The following PCDH15 variants were observed in gnomAD, a reference collection of about 807,000 sequenced individuals.
The protein encoded by PCDH15 is protocadherin related 15, also known as protocadherin-15.
Under a neutral mutation model 178.5 loss-of-function variants are expected in PCDH15, and 129 were observed. That is an observed-to-expected ratio of 0.72 (90% CI 0.63 to 0.84). The LOEUF is 0.84. Among genes scored for constraint, PCDH15 ranks in the 40% least tolerant of loss-of-function variants. PCDH15 has a pLI of 0.00. For synonymous variants in PCDH15, 800 were observed against 732.0 expected (o/e 1.09, Z -1.50); for missense variants, 2,230 against 2,099.9 (o/e 1.06, Z -1.21).
intron 1 of PCDH15, among the ~76,000 whole-genome samples, chr10:55,222,730 C>CACACATATATATATATATAT: frequency 8.2e-6 from 1 of 121,266 alleles, no homozygotes; most frequent in African/African-American, 3.4e-5. Context: ...CACACACACA[C>CACACATATATATATATATAT]ATATATATAT....
At chr10:54,694,638 CG>C (rs1270041473) in intron 1 of PCDH15, among the ~76,000 whole-genome samples, 1 of 151,872 alleles carries the variant, frequency 6.6e-6, no homozygotes, top group Non-Finnish European at 1.5e-5. Flanking sequence ...TAGAGATCAG[CG>C]GTCTTTGAGA....
At chr10:55,156,169 G>A (rs180690898) in intron 2 of PCDH15, among the ~76,000 whole-genome samples, 48 of 152,256 alleles carry the variant, frequency 3.2e-4, no homozygotes, top group African/African-American at 1.1e-3. Flanking sequence ...TCCTTCATGT[G>A]AAGCTTGAGG....
chr10:54,183,646 T>G (rs2048220000), intron 12 of PCDH15, 53 bp from the exon 13 acceptor site: 1 of 1,594,626 alleles, frequency 6.3e-7, no homozygotes, highest in Admixed American at 1.7e-5. Flanking sequence ...ATATAAGTAG[T>G]ACAGAGTTTG....
chr10:55,176,247 T>G (rs543294595), intron 1 of PCDH15, among the ~76,000 whole-genome samples: 19 of 152,150 alleles, frequency 1.2e-4, no homozygotes, highest in African/African-American at 4.6e-4. Context: ...TCCCAACCCA[T>G]TAGTTGTAGT....
intron 1 of PCDH15, among the ~76,000 whole-genome samples, chr10:54,789,962 T>A (rs1012536018): frequency 1.3e-5 from 2 of 151,912 alleles, no homozygotes; most frequent in African/African-American, 4.8e-5. Context: ...TCAAATTGAC[T>A]GGAGAAAATA....
intron 2 of PCDH15, among the ~76,000 whole-genome samples, chr10:55,366,369 T>G (rs937690491): frequency 2.0e-5 from 3 of 152,138 alleles, no homozygotes; most frequent in Non-Finnish European, 4.4e-5. Context: ...TTGTAGAAAA[T>G]TATAAATATT....
chr10:55,256,485 G>A (rs1385538618), intron 1 of PCDH15, among the ~76,000 whole-genome samples: 2 of 152,206 alleles, frequency 1.3e-5, no homozygotes, highest in Admixed American at 1.3e-4. Context: ...TCAAAGAAAG[G>A]GGTGACAGAC....
chr10:54,025,683 G>A (rs2093062708), intron 18 of PCDH15, among the ~76,000 whole-genome samples: 1 of 152,016 alleles, frequency 6.6e-6, no homozygotes, highest in Non-Finnish European at 1.5e-5. Context: ...ATTTTTAGTA[G>A]AGACCGGGTT....
At chr10:54,291,366 A>C (rs1254419028) in intron 8 of PCDH15, among the ~76,000 whole-genome samples, 2 of 152,230 alleles carry the variant, frequency 1.3e-5, no homozygotes, top group Non-Finnish European at 2.9e-5. Flanking sequence ...CACAAGAGAA[A>C]GCAGGAAAGA....
At chr10:55,179,689 G>A (rs146760157) in intron 1 of PCDH15, among the ~76,000 whole-genome samples, 3 of 151,922 alleles carry the variant, frequency 2.0e-5, no homozygotes, top group East Asian at 3.9e-4. Flanking sequence ...TGATTTCCAC[G>A]TACCCTATTC....
At chr10:55,008,152 A>T (rs961429227) in intron 2 of PCDH15, among the ~76,000 whole-genome samples, 74 of 152,276 alleles carry the variant, frequency 4.9e-4, no homozygotes, top group African/African-American at 1.8e-3. Flanking sequence ...CTAAAGTTGC[A>T]AATCTGGACT....
At chr10:55,010,958 C>T (rs1042576674) in intron 2 of PCDH15, among the ~76,000 whole-genome samples, 5 of 151,974 alleles carry the variant, frequency 3.3e-5, no homozygotes, top group South Asian at 2.1e-4. Flanking sequence ...GCCAGAAATA[C>T]AAGATTAATA....
At chr10:55,168,466 G>T (rs1839251288) in intron 1 of PCDH15, among the ~76,000 whole-genome samples, 1 of 152,290 alleles carries the variant, frequency 6.6e-6, no homozygotes, top group African/African-American at 2.4e-5. Context: ...CTCCTGACTG[G>T]ACATTAGCTC....
At chr10:55,034,641 G>T (rs924773973) in intron 2 of PCDH15, among the ~76,000 whole-genome samples, 3 of 152,038 alleles carry the variant, frequency 2.0e-5, no homozygotes, top group African/African-American at 7.2e-5. Flanking sequence ...AGAAATTAAA[G>T]AGAATCTAGA....
At chr10:55,215,042 C>A (rs947453873) in intron 1 of PCDH15, among the ~76,000 whole-genome samples, 2 of 151,972 alleles carry the variant, frequency 1.3e-5, no homozygotes, top group Non-Finnish European at 2.9e-5. Flanking sequence ...GTAAAACATA[C>A]ATTGTGAATT....
chr10:55,018,081 T>C (rs190709319), intron 2 of PCDH15, among the ~76,000 whole-genome samples: 42 of 152,222 alleles, frequency 2.8e-4, no homozygotes, highest in African/African-American at 8.4e-4. Flanking sequence ...TATTTTCAAA[T>C]AAACTTGAGG....
intron 2 of PCDH15, among the ~76,000 whole-genome samples, chr10:55,147,169 A>T (rs1838539968): frequency 1.3e-5 from 2 of 151,542 alleles, no homozygotes; most frequent in Non-Finnish European, 3.0e-5. Flanking sequence ...ATATTATATG[A>T]CTGGTGTGTC....
intron 2 of PCDH15, among the ~76,000 whole-genome samples, chr10:55,113,720 T>TC: frequency 6.6e-6 from 1 of 152,132 alleles, no homozygotes; most frequent in South Asian, 2.1e-4. Flanking sequence ...TGCAGAATCC[T>TC]CCCCCATCTA....
At chr10:54,675,591 C>T (rs1356378402) in intron 1 of PCDH15, among the ~76,000 whole-genome samples, 1 of 151,714 alleles carries the variant, frequency 6.6e-6, no homozygotes, top group African/African-American at 2.4e-5. Flanking sequence ...ATATTTCGAC[C>T]TAAGAATTTG....
Sources: allele counts gnomAD v4.1 joint callset (sites outside exome capture counted in the v4.1 genomes callset), GRCh38; gene constraint gnomAD v4.1.1; transcripts MANE v1.5; gene names NCBI Gene and HGNC (gene_info 2026-07-23, HGNC 2026-07-21).